CHFR: variants seen among roughly 807,000 people sequenced by gnomAD.
CHFR encodes E3 ubiquitin-protein ligase CHFR.
A neutral mutation model predicts 87.6 loss-of-function variants in CHFR; 57 were observed. The ratio of observed to expected loss-of-function variants is 0.65; its 90% CI spans 0.53 to 0.81. The LOEUF is 0.81. Ranked by LOEUF, CHFR falls within the 30% of genes least tolerant of loss-of-function variation. CHFR has a pLI of 0.00. For synonymous variants in CHFR, 381 were observed against 359.2 expected (o/e 1.06, Z -0.69); for missense variants, 797 against 865.8 (o/e 0.92, Z 1.00).
chr12:132,866,601 A>C (rs1013120719), intron 6 of CHFR: 12 of 151,902 alleles, frequency 7.9e-5, no homozygotes, highest in Middle Eastern at 3.4e-3. Flanking sequence ...AGAAAGTTAC[A>C]ACACACCAGA....
intron 15 of CHFR, among the ~76,000 whole-genome samples, chr12:132,846,363 C>A (rs1011855671): frequency 6.6e-6 from 1 of 151,392 alleles, no homozygotes; most frequent in African/African-American, 2.4e-5. Context: ...CCCGGGTTCA[C>A]GCCATTCTCC....
At chr12:132,847,358 G>A in intron 14 of CHFR, 1 of 1,238,364 alleles carries the variant, frequency 8.1e-7, no homozygotes, top group Non-Finnish European at 1.0e-6. Context: ...ACAGTTACCA[G>A]AGTCTCTCAA....
At chr12:132,887,425 C>G in intron 1 of CHFR, 85 bp from the exon 2 acceptor site, 1 of 1,072,962 alleles carries the variant, frequency 9.3e-7, no homozygotes, top group Non-Finnish European at 1.1e-6. Context: ...GGGCCCCGGC[C>G]CGGCCGCCCG....
intron 3 of CHFR, among the ~76,000 whole-genome samples, chr12:132,872,625 C>A (rs561038235): frequency 6.6e-6 from 1 of 152,210 alleles, no homozygotes; most frequent in Non-Finnish European, 1.5e-5. Flanking sequence ...CACCTCCTCA[C>A]GTGCTTGGCA....
At chr12:132,845,483 A>G in intron 15 of CHFR, among the ~76,000 whole-genome samples, 1 of 151,658 alleles carries the variant, frequency 6.6e-6, no homozygotes, top group Non-Finnish European at 1.5e-5. Context: ...TAAATAAATA[A>G]AAATAAAAAA....
chr12:132,848,949 GGTTT>G, intron 12 of CHFR: 1 of 527,832 alleles, frequency 1.9e-6, no homozygotes, highest in Non-Finnish European at 3.4e-6. Context: ...CACATTTTCT[GGTTT>G]GTTATTTTTT....
In CHFR at chr12:132,887,284, G is replaced by A. The variant is rs547086677; in HGVS notation, c.45C>T (p.Pro15=). 1.9e-5 allele frequency: 28 copies of A among 1,488,042 alleles called. No individual in the cohort carries two copies. The African/African-American group carries it at 2.2e-4, about 12-fold the overall frequency. The allele number at this position is 1,488,042 out of a possible 1,614,324, so 92.2% of individuals were successfully genotyped here. A position where few individuals can be genotyped will look rare whatever the true frequency, so the allele number is the denominator to read the frequency against. ...CGCCCAGACGCAGGAGCCGTCCCCA[G>A]GGCTGCGGCGGCGGCGACTGCTTGC... The part of the protein sequence containing the change: ...EEGKQSPPPQ[P]WGRLLRLGAE... Residue 15 remains proline (P), a synonymous_variant, in exon 2 of 18, where the codon CCC becomes CCT. Transcript: ENST00000450056.
At chr12:132,868,148 A>G (rs1359086481) in intron 6 of CHFR, among the ~76,000 whole-genome samples, 1 of 152,184 alleles carries the variant, frequency 6.6e-6, no homozygotes, top group African/African-American at 2.4e-5. Flanking sequence ...AACTAGTTTT[A>G]AATAACATCC....
In CHFR at chr12:132,848,146, A is replaced by C; in HGVS notation, c.1586T>G (p.Leu529Arg). The C allele has an allele frequency of 6.2e-7, 1 of 1,614,186 alleles. No individual in the cohort carries two copies. The highest frequency in any genetic ancestry group is 8.5e-7 in the Non-Finnish European group (1 of 1,180,034). ...GCLAPFCELNLGDKCLDGVLN... is the reference protein window; with the variant it reads ...GCLAPFCELNRGDKCLDGVLN... The stretch of plus-strand genomic sequence containing the variant: ...CACGCCGTCCAGACACTTGTCACCC[A>C]GGTTGAGCTCTGCCGAGATGAAGGG... Residue 529 changes from leucine to arginine, a missense_variant, in exon 14 of 18, where the codon CTG becomes CGG. Transcript: ENST00000450056.
Position 132,887,193 on chromosome 12 carries a change from C to T in CHFR, c.133+3G>A. Reference sequence around the variant, plus strand: ...GCCCCCGGCCCCGGCCTCAGCCCCGCACCTCGTCTCCGCCCGATGGTCCAC... The same window carrying T: ...GCCCCCGGCCCCGGCCTCAGCCCCGTACCTCGTCTCCGCCCGATGGTCCAC... On this transcript the variant is annotated splice_donor_region_variant and intron_variant, in intron 2 of 17. Transcript: ENST00000450056. 1 of 1,490,076 alleles carries T rather than the reference C, an allele frequency of 6.7e-7. No individual in the cohort carries two copies. Among genetic ancestry groups the T allele is most frequent in the Non-Finnish European group, 8.9e-7 (1 of 1,126,266 alleles). The allele number at this position is 1,490,076 out of a possible 1,614,324, so 92.3% of individuals were successfully genotyped here.
chr12:132,848,847 G>A (rs1593453429), intron 12 of CHFR, 123 bp from the exon 13 acceptor site: 1 of 728,906 alleles, frequency 1.4e-6, no homozygotes, highest in Non-Finnish European at 2.3e-6. Context: ...GGGTCTCATG[G>A]AAATCGGGGC....
intron 7 of CHFR, 101 bp downstream of exon 7, chr12:132,861,366 C>G (rs1053410584): frequency 6.5e-6 from 8 of 1,230,770 alleles, no homozygotes; most frequent in Non-Finnish European, 9.3e-6. Flanking sequence ...TCCACATGCC[C>G]CTGCAGGAAG....
chr12:132,877,580 C>T lies in CHFR; in HGVS notation c.208G>A (p.Gly70Ser), dbSNP rs764607751. 6.2e-7 allele frequency: 1 copy of T among 1,612,822 alleles called. No homozygotes were observed. The highest frequency in any genetic ancestry group is 8.5e-7 in the Non-Finnish European group (1 of 1,179,260). ...HCRIVVDEKS[G>S]QVTLEDTSTS... ...CTGGTATCTTCCAGTGTCACCTGACCTGATTTTTCATCCACTACAATTCTA... is the reference window on the plus strand; with the variant it reads ...CTGGTATCTTCCAGTGTCACCTGACTTGATTTTTCATCCACTACAATTCTA... The change falls in exon 3 of 18, where the codon GGT becomes AGT. Residue 70 changes from glycine (G) to serine (S), a missense_variant. Gly to Ser is a moderately conservative substitution (Grantham distance 56, BLOSUM62 0). Coordinates refer to ENST00000450056, the MANE Select transcript of CHFR (RefSeq NM_001161346.2).
intron 3 of CHFR, among the ~76,000 whole-genome samples, chr12:132,875,842 G>A (rs1205343620): frequency 2.0e-5 from 3 of 152,134 alleles, no homozygotes. Context: ...GCTGGATGTA[G>A]ATGCAGTGAC....
At chr12:132,880,070 C>A (rs1174794478) in intron 2 of CHFR, among the ~76,000 whole-genome samples, 1 of 152,092 alleles carries the variant, frequency 6.6e-6, no homozygotes, top group East Asian at 1.9e-4. Flanking sequence ...CAAGCTGATT[C>A]TAAAGTTCAC....
At chr12:132,851,497 G>C in intron 12 of CHFR, 121 bp downstream of exon 12, 2 of 1,192,058 alleles carry the variant, frequency 1.7e-6, no homozygotes, top group Non-Finnish European at 2.3e-6. Context: ...TGATCACACT[G>C]ATGGAAAAAA....
chr12:132,847,653 G>A (rs944477675), intron 14 of CHFR: 40 of 1,084,806 alleles, frequency 3.7e-5, no homozygotes, highest in Non-Finnish European at 4.4e-5. Flanking sequence ...GGGCGAATGC[G>A]CATGTTAAAC....
In CHFR at chr12:132,842,864, G is replaced by T. The variant is rs568422735; in HGVS notation, c.1916+147C>A. 303 of 695,378 alleles carry T rather than the reference G, an allele frequency of 4.4e-4. 4 individuals carry two copies. In the South Asian group the frequency reaches 4.8e-3, roughly 11 times the overall value. The allele number at this position is 695,378 out of a possible 1,614,324, so 43.1% of individuals were successfully genotyped here. A position where few individuals can be genotyped will look rare whatever the true frequency, so the allele number is the denominator to read the frequency against. ...AAACTGCATGAAACGAAGGGATAAAGGAAGAGCAGGATTTCTAAATGAAGA... is the reference window on the plus strand; with the variant it reads ...AAACTGCATGAAACGAAGGGATAAATGAAGAGCAGGATTTCTAAATGAAGA... On this transcript the variant is annotated intron_variant, in intron 17 of 17. Transcript: ENST00000450056.
At position 132,836,795 on chromosome 12, in the gene CHFR, GGCTCATCA is replaced by G. The variant is rs1321113804; in HGVS notation, c.*4751_*4758del. Reference sequence around the variant, plus strand: ...GGGAAAGATTTCAAGCCCAGGGGACGGCTCATCAGCTCATCAGACCTTCACCGTTCAGT... The same window carrying G: ...GGGAAAGATTTCAAGCCCAGGGGACGGCTCATCAGACCTTCACCGTTCAGT... On this transcript the variant is annotated 3_prime_UTR_variant, in exon 18 of 18. Coordinates refer to ENST00000450056, the MANE Select transcript of CHFR (RefSeq NM_001161346.2). 5.3e-5 allele frequency: 24 copies of G among 455,858 alleles called. No homozygotes were observed. The highest frequency in any genetic ancestry group is 3.3e-4 in the Middle Eastern group (1 of 3,068). The allele number at this position is 455,858 out of a possible 1,614,324, so 28.2% of individuals were successfully genotyped here.
Sources: allele counts gnomAD v4.1 joint callset (sites outside exome capture counted in the v4.1 genomes callset), GRCh38; gene constraint gnomAD v4.1.1; transcripts MANE v1.5; gene names NCBI Gene and HGNC (gene_info 2026-07-23, HGNC 2026-07-21).